The following GRK2 variants were observed in gnomAD, a reference collection of about 807,000 sequenced individuals.
The protein encoded by GRK2 is adrenergic beta receptor kinase 1.
In GRK2, 23 loss-of-function variants were observed where a neutral mutation model predicts 97.8. The observed-to-expected ratio is 0.24, with a 90% CI of 0.17 to 0.33. GRK2 has a LOEUF of 0.33. GRK2 is among the 10% of genes least tolerant of loss of function. The probability of loss-of-function intolerance (pLI) is 1.00; values close to 1 mark genes in which losing one functional copy is unlikely to be tolerated. For synonymous variants in GRK2, 425 were observed against 381.7 expected, an observed-to-expected ratio of 1.11 and a Z score of -1.32; for missense variants, 633 against 956.9, an observed-to-expected ratio of 0.66 and a Z score of 4.47.
intron 18 of GRK2, 64 bp downstream of exon 18, chr11:67,284,437 G>A: frequency 3.8e-6 from 6 of 1,565,310 alleles, no homozygotes; most frequent in Non-Finnish European, 8.7e-7. Context: ...AGCTGGCTCG[G>A]GTTTAAGGAA....
rs1444192869 is a variant in GRK2 at position 67,282,513 on chromosome 11, G to A, written c.1131G>A (p.Leu377=). 1.2e-6 allele frequency: 2 copies of A among 1,613,702 alleles called. No homozygotes were observed. The highest frequency in any genetic ancestry group is 1.1e-5 in the South Asian group (1 of 91,078). ...ACAGCAGTGCCGACTGGTTCTCTCT[G>A]GGGTGCATGCTCTTCAAGTTGCTGC... ...AYDSSADWFS[L]GCMLFKLLRG... The change falls in exon 13 of 21, where the codon CTG becomes CTA. Residue 377 remains leucine, a synonymous_variant. Transcript: ENST00000308595. The surrounding 1 kb of genome is among the most constrained non-coding windows in gnomAD (Gnocchi z 6.9).
At chr11:67,271,269 G>C (rs575270781) in intron 1 of GRK2, among the ~76,000 whole-genome samples, 1 of 152,248 alleles carries the variant, frequency 6.6e-6, no homozygotes, top group African/African-American at 2.4e-5. Context: ...CTGCAACTGA[G>C]ATACTAAAAA....
In GRK2 at chr11:67,285,503, A is replaced by G. The variant is rs982025382; in HGVS notation, c.*53A>G. ...TAATTTATTTTGTCGAATTTTTATT[A>G]TTTGTTTTCCCGCCAAGCGGAAAAG... On this transcript the variant is annotated 3_prime_UTR_variant, in exon 21 of 21. Coordinates refer to ENST00000308595, the MANE Select transcript of GRK2 (RefSeq NM_001619.5). 3 of 1,474,768 alleles carry G rather than the reference A, an allele frequency of 2.0e-6. No individual in the cohort carries two copies. Among genetic ancestry groups the G allele is most frequent in the Non-Finnish European group, 2.7e-6 (3 of 1,114,796 alleles). The allele number at this position is 1,474,768 out of a possible 1,614,324, so 91.4% of individuals were successfully genotyped here.
rs1036966850 is a variant in GRK2 at position 67,275,949 on chromosome 11, TC to T, written c.114-1322del. On this transcript the variant is annotated intron_variant, in intron 1 of 20. Transcript: ENST00000308595. ...GCTTTGGCATGAGGTACACAGTGCCTCAGGGGTAGATGTGCAGCGGGTCCTC... is the reference window on the plus strand; with the variant it reads ...GCTTTGGCATGAGGTACACAGTGCCTAGGGGTAGATGTGCAGCGGGTCCTC... 1.4e-4 allele frequency among the ~76,000 whole-genome samples: 21 copies of T among 152,302 alleles called. 1 individual carries two copies. In the East Asian group the frequency reaches 4.1e-3, roughly 29 times the overall value.
chr11:67,284,410 C>A (rs2136505811), intron 18 of GRK2, 37 bp downstream of exon 18: 6 of 1,606,056 alleles, frequency 3.7e-6, no homozygotes, highest in Non-Finnish European at 5.1e-6. Context: ...CAGGCCCCTG[C>A]CTGCTTAGAA....
At chr11:67,280,705 C>G in intron 6 of GRK2, 27 bp from the exon 7 acceptor site, 1 of 1,613,836 alleles carries the variant, frequency 6.2e-7, no homozygotes, top group Non-Finnish European at 8.5e-7. Context: ...TCTGAGTGGC[C>G]CCTGAGCCCT....
intron 6 of GRK2, 185 bp from the exon 7 acceptor site, chr11:67,280,547 T>C (rs895330950): frequency 1.4e-5 from 10 of 695,824 alleles, no homozygotes; most frequent in African/African-American, 3.5e-5. Context: ...CAAGCAGCCC[T>C]GACTGGTGCT....
At position 67,285,195 on chromosome 11, in the gene GRK2, G is replaced by C. The variant is rs201430849; in HGVS notation, c.1905+7G>C. On this transcript the variant is annotated splice_region_variant and intron_variant, in intron 20 of 20. Transcript: ENST00000308595. ...GTTCATTTTGCAGTGCGATGTGAGT[G>C]GGGGCTGAGCCAGGGATGGGAGGGC... 144 of 1,613,308 alleles carry C rather than the reference G, an allele frequency of 8.9e-5. No homozygotes were observed. The East Asian group carries it at 3.1e-3, about 35-fold the overall frequency.
At chr11:67,271,003 A>T (rs991797037) in intron 1 of GRK2, 3 of 152,232 alleles carry the variant, frequency 2.0e-5, no homozygotes, top group African/African-American at 7.2e-5. Flanking sequence ...CCTAGGTTGC[A>T]CCCAGGTGGG....
chr11:67,283,153 C>A lies in GRK2; in HGVS notation c.1253C>A (p.Ser418Tyr). The A allele has an allele frequency of 6.2e-7, 1 of 1,614,008 alleles. No individual in the cohort carries two copies. The highest frequency in any genetic ancestry group is 8.5e-7 in the Non-Finnish European group (1 of 1,179,984). The change falls in exon 15 of 21, where the codon TCC (serine) becomes TAC (tyrosine). Residue 418 changes from serine to tyrosine, a missense_variant. Physicochemically the swap from Ser to Tyr is moderately radical, Grantham distance 144. Coordinates refer to ENST00000308595, the MANE Select transcript of GRK2 (RefSeq NM_001619.5). ...GCCGTGGAGCTGCCCGACTCCTTCT[C>A]CCCTGAACTACGCTCCCTGCTGGAG... The part of the protein sequence containing the change: ...TMAVELPDSF[S>Y]PELRSLLEGL...
Position 67,283,903 on chromosome 11 carries a change from C to T in GRK2, c.1445C>T (p.Ala482Val), listed in dbSNP as rs1860210273. 1.2e-6 allele frequency: 2 copies of T among 1,612,876 alleles called. No individual in the cohort carries two copies. The highest frequency in any genetic ancestry group is 1.7e-5 in the Admixed American group (1 of 59,956). Residue 482 changes from alanine to valine, a missense_variant, in exon 17 of 21, where the codon GCC becomes GTC. This residue lies in a region of GRK2 where 180 missense variants were observed against 311.3 expected (regional missense o/e 0.58). Transcript: ENST00000308595. ...PPRGEVNAADAFDIGSFDEED... is the reference protein window; with the variant it reads ...PPRGEVNAADVFDIGSFDEED... ...CGAGGGGAGGTGAACGCGGCCGACG[C>T]CTTCGACATTGGCTCCTTCGATGAG...
At position 67,269,298 on chromosome 11, in the gene GRK2, A is replaced by C. The variant is rs1859860589; in HGVS notation, c.113+2486A>C. 1.3e-5 allele frequency among the ~76,000 whole-genome samples: 2 copies of C among 152,024 alleles called. No homozygotes were observed. The highest frequency in any genetic ancestry group is 2.9e-5 in the Non-Finnish European group (2 of 68,000). On this transcript the variant is annotated intron_variant, in intron 1 of 20. Coordinates refer to ENST00000308595, the MANE Select transcript of GRK2 (RefSeq NM_001619.5). This position sits in a 1 kb window ranked among gnomAD's most constrained non-coding sequence, Gnocchi z 4.1. Reference sequence around the variant, plus strand: ...TGTCCTTTTGACAACTGTGAGAGGCAGGCCCAGCAGTTAGGATTCTCCCCT... The same window carrying C: ...TGTCCTTTTGACAACTGTGAGAGGCCGGCCCAGCAGTTAGGATTCTCCCCT...
At chr11:67,271,020 A>C (rs1463008949) in intron 1 of GRK2, 1 of 152,250 alleles carries the variant, frequency 6.6e-6, no homozygotes, top group African/African-American at 2.4e-5. Context: ...TGGGCTTGGC[A>C]GAGGGACTGA....
At chr11:67,266,833 G>GCCCCGGCCCGACCCCGCGGGCGC in intron 1 of GRK2, 21 bp downstream of exon 1, 1 of 1,191,394 alleles carries the variant, frequency 8.4e-7, no homozygotes, top group Non-Finnish European at 1.1e-6. Flanking sequence ...GCTGCCCGCG[G>GCCCCGGCCCGACCCCGCGGGCGC]CCCCGGCCCG....
At position 67,281,601 on chromosome 11, in the gene GRK2, C is replaced by T. The variant is rs201975411; in HGVS notation, c.747+43C>T. 4.5e-5 allele frequency: 72 copies of T among 1,610,050 alleles called. No individual in the cohort carries two copies. In the African/African-American group the frequency reaches 5.9e-4, roughly 13 times the overall value. On this transcript the variant is annotated intron_variant, in intron 9 of 20. Transcript: ENST00000308595. The surrounding 1 kb of genome is among the most constrained non-coding windows in gnomAD (Gnocchi z 5.7). ...GGCTGCCGCTGAGGCTCTGGAACCC[C>T]GGGCGCCCCTGCTAACTGCCCGCCC...
rs770771786 is a variant in GRK2, at chr11:67,282,487, G to A, written c.1105G>A (p.Asp369Asn). Reference sequence around the variant, plus strand: ...GGTCCTGCAGAAGGGCGTGGCCTACGACAGCAGTGCCGACTGGTTCTCTCT... The same window carrying A: ...GGTCCTGCAGAAGGGCGTGGCCTACAACAGCAGTGCCGACTGGTTCTCTCT... Reference protein sequence around the residue: ...PEVLQKGVAYDSSADWFSLGC... With the variant: ...PEVLQKGVAYNSSADWFSLGC... Residue 369 changes from aspartate (D) to asparagine (N), a missense_variant, in exon 13 of 21, where the codon GAC becomes AAC. By Grantham distance (23) the Asp-to-Asn change is conservative. This residue lies in a region of GRK2 where 192 missense variants were observed against 362.3 expected (regional missense o/e 0.53). Coordinates refer to ENST00000308595, the MANE Select transcript of GRK2 (RefSeq NM_001619.5). This position sits in a 1 kb window ranked among gnomAD's most constrained non-coding sequence, Gnocchi z 6.9. 11 of 1,613,602 alleles carry A rather than the reference G, an allele frequency of 6.8e-6. No homozygotes were observed. The highest frequency in any genetic ancestry group is 1.3e-5 in the African/African-American group (1 of 75,040).
chr11:67,279,411 C>A lies in GRK2; in HGVS notation c.265-7C>A. 1 of 1,613,056 alleles carries A rather than the reference C, an allele frequency of 6.2e-7. No individual in the cohort carries two copies. The highest frequency in any genetic ancestry group is 8.5e-7 in the Non-Finnish European group (1 of 1,179,896). On this transcript the variant is annotated splice_region_variant and splice_polypyrimidine_tract_variant and intron_variant, in intron 3 of 20. Coordinates refer to ENST00000308595, the MANE Select transcript of GRK2 (RefSeq NM_001619.5). ...TCTAGATGACCTGCAGGAATCCTGT[C>A]CTCCAGATCAAGAAGTACGAGAAGC...
intron 14 of GRK2, 85 bp from the exon 15 acceptor site, chr11:67,283,043 G>C: frequency 2.2e-6 from 3 of 1,389,328 alleles, no homozygotes; most frequent in Non-Finnish European, 3.1e-6. Context: ...CCCTCTGCGG[G>C]GGCCTGGACC....
chr11:67,277,731 G>A (rs772384519), intron 2 of GRK2, among the ~76,000 whole-genome samples: 1 of 152,222 alleles, frequency 6.6e-6, no homozygotes, highest in African/African-American at 2.4e-5. Flanking sequence ...GGTTGGCCCC[G>A]CCCCACCCCA....
Sources: allele counts gnomAD v4.1 joint callset (sites outside exome capture counted in the v4.1 genomes callset), GRCh38; gene constraint gnomAD v4.1.1; regional missense constraint gnomAD v4.1.1; non-coding constraint Gnocchi (gnomAD v3.1); transcripts MANE v1.5; gene names NCBI Gene and HGNC (gene_info 2026-07-23, HGNC 2026-07-21).